The following TLE4 variants were observed in gnomAD, a reference collection of about 807,000 sequenced individuals.
TLE4 encodes TLE family member 4, transcriptional corepressor.
In TLE4, 8 loss-of-function variants were observed where a neutral mutation model predicts 92.8. The ratio of observed to expected loss-of-function variants is 0.09; its 90% confidence interval spans 0.05 to 0.16. The LOEUF (loss-of-function observed/expected upper bound fraction) is 0.16, where lower values mean the gene tolerates loss of function less well. TLE4 is among the 10% of genes least tolerant of loss of function. The probability of loss-of-function intolerance (pLI) is 1.00; values close to 1 mark genes in which losing one functional copy is unlikely to be tolerated. For missense variants in TLE4, 675 were observed against 997.6 expected (o/e 0.68, Z 4.36); for synonymous variants, 371 against 374.1 (o/e 0.99, Z 0.10).
At chr9:79,587,068 T>C (rs2041301011) in intron 4 of TLE4, among the ~76,000 whole-genome samples, 1 of 152,252 alleles carries the variant, frequency 6.6e-6, no homozygotes, top group Admixed American at 6.5e-5. Context: ...TCATTCTGAC[T>C]ATATTTTTGT....
chr9:79,601,509 G>A (rs572627099), intron 4 of TLE4: 1 of 452,842 alleles, frequency 2.2e-6, no homozygotes, highest in African/African-American at 2.0e-5. Context: ...GTCACATTTT[G>A]GTAACTCTCA....
chr9:79,576,097 A>C lies in TLE4; in HGVS notation c.208-36A>C, dbSNP rs761456188. ...ACAAACTAGGGAGATTGTTTGATGA[A>C]AGTCATGCATTTAATTGCTTTTCCT... On this transcript the variant is annotated intron_variant, in intron 3 of 19. Transcript: ENST00000376552. 3.5e-6 allele frequency: 5 copies of C among 1,413,996 alleles called. No homozygotes were observed. In the East Asian group the frequency reaches 1.3e-4, roughly 36 times the overall value. 87.6% of individuals were successfully genotyped at this position (1,413,996 alleles called of 1,614,324 possible).
chr9:79,640,107 C>A (rs2056824147), intron 6 of TLE4, among the ~76,000 whole-genome samples: 1 of 152,000 alleles, frequency 6.6e-6, no homozygotes, highest in Non-Finnish European at 1.5e-5. Flanking sequence ...ATTCAGGACA[C>A]CCTGGAAATT....
At chr9:79,660,868 C>A (rs2060434943) in intron 8 of TLE4, among the ~76,000 whole-genome samples, 1 of 152,172 alleles carries the variant, frequency 6.6e-6, no homozygotes, top group African/African-American at 2.4e-5. Flanking sequence ...TGTTTTGCAG[C>A]ACCCTCCTCC....
intron 2 of TLE4, 69 bp from the exon 3 acceptor site, chr9:79,574,804 A>G (rs2037191515): frequency 7.8e-7 from 1 of 1,287,840 alleles, no homozygotes; most frequent in Non-Finnish European, 1.1e-6. Context: ...GAGATTTAGA[A>G]TATGCGTTTA....
At chr9:79,598,863 C>T (rs1035360353) in intron 4 of TLE4, among the ~76,000 whole-genome samples, 2 of 152,000 alleles carry the variant, frequency 1.3e-5, no homozygotes, top group South Asian at 4.2e-4. Flanking sequence ...ATAAACACCT[C>T]GAGTTCAGAT....
At chr9:79,582,372 G>A (rs2039898008) in intron 4 of TLE4, among the ~76,000 whole-genome samples, 1 of 152,072 alleles carries the variant, frequency 6.6e-6, no homozygotes, top group Admixed American at 6.6e-5. Context: ...TTTGTATCTA[G>A]GTATATATCA....
rs952730821 is a variant in TLE4 at position 79,642,230 on chromosome 9, TA to T, written c.391-10353del. 1.9e-3 allele frequency among the ~76,000 whole-genome samples: 280 copies of T among 146,550 alleles called. 1 individual carries two copies. In the Middle Eastern group the frequency reaches 0.028, roughly 15 times the overall value. ...TAGGCTTTTTAAATGCTGCTTTACT[TA>T]AAAAAAAAAGAAAAAAAAGAAGAAG... On this transcript the variant is annotated intron_variant, in intron 6 of 19. Transcript: ENST00000376552.
At chr9:79,610,749 G>T (rs952254406) in intron 4 of TLE4, among the ~76,000 whole-genome samples, 1 of 151,966 alleles carries the variant, frequency 6.6e-6, no homozygotes, top group Non-Finnish European at 1.5e-5. Flanking sequence ...AGAAAATGTA[G>T]AATTTTTTTA....
intron 4 of TLE4, 165 bp downstream of exon 4, chr9:79,576,342 T>G: frequency 2.5e-6 from 1 of 406,562 alleles, no homozygotes; most frequent in Non-Finnish European, 4.4e-6. Flanking sequence ...GCTCCCCATC[T>G]TTCTTTCATA....
intron 16 of TLE4, 84 bp downstream of exon 16, chr9:79,720,377 GGTGTGTGTGTGTGTGT>G (rs71364488): frequency 2.7e-4 from 85 of 316,604 alleles, no homozygotes; most frequent in South Asian, 1.8e-3. Context: ...TATAGGTATG[GGTGTGTGTGTGTGTGT>G]GTGTGTGTGT....
intron 19 of TLE4, 113 bp from the exon 20 acceptor site, chr9:79,724,924 G>T: frequency 3.3e-6 from 2 of 609,248 alleles, no homozygotes; most frequent in Non-Finnish European, 5.9e-6. Context: ...TTCCTTGACT[G>T]GGCTTTCTGT....
intron 5 of TLE4, among the ~76,000 whole-genome samples, chr9:79,625,298 C>T (rs1425560836): frequency 6.6e-6 from 1 of 151,986 alleles, no homozygotes; most frequent in Non-Finnish European, 1.5e-5. Context: ...GGATTACAGG[C>T]GTGAGCCACC....
At chr9:79,711,301 G>T (rs1274987876) in intron 14 of TLE4, among the ~76,000 whole-genome samples, 1 of 136,340 alleles carries the variant, frequency 7.3e-6, no homozygotes, top group Non-Finnish European at 1.6e-5. Context: ...ATAAAATTCT[G>T]TGTACCTGTG....
At chr9:79,724,062 A>C (rs73652245) in intron 19 of TLE4, among the ~76,000 whole-genome samples, 18 of 152,316 alleles carry the variant, frequency 1.2e-4, no homozygotes, top group African/African-American at 4.1e-4. Flanking sequence ...ATGGTATACA[A>C]AATTCTATGG....
intron 6 of TLE4, among the ~76,000 whole-genome samples, chr9:79,649,315 T>C (rs116647648): frequency 0.011 from 1,688 of 151,924 alleles, 39 homozygotes; most frequent in African/African-American, 0.038. Context: ...AAGGCAGTAG[T>C]TGAAGAGGGC....
intron 4 of TLE4, among the ~76,000 whole-genome samples, chr9:79,605,768 C>T (rs1025591555): frequency 6.6e-6 from 1 of 152,116 alleles, no homozygotes; most frequent in African/African-American, 2.4e-5. Flanking sequence ...AAATGGGACA[C>T]TTGAGAATAT....
intron 6 of TLE4, among the ~76,000 whole-genome samples, chr9:79,638,665 G>A (rs903055470): frequency 6.6e-6 from 1 of 151,898 alleles, no homozygotes; most frequent in African/African-American, 2.4e-5. Flanking sequence ...CAGTAATGTT[G>A]CTTTTTTTCT....
At chr9:79,616,074 C>T (rs1220602023) in intron 5 of TLE4, among the ~76,000 whole-genome samples, 3 of 152,160 alleles carry the variant, frequency 2.0e-5, no homozygotes, top group Admixed American at 2.0e-4. Context: ...ATTTATTCTT[C>T]AAAAAGCCAT....
Sources: allele counts gnomAD v4.1 joint callset (sites outside exome capture counted in the v4.1 genomes callset), GRCh38; gene constraint gnomAD v4.1.1; transcripts MANE v1.5; gene names NCBI Gene and HGNC (gene_info 2026-07-23, HGNC 2026-07-21).